Variants in PPP2R5A observed in about 807,000 individuals in gnomAD.
PPP2R5A encodes the protein protein phosphatase 2 regulatory subunit B'alpha.
A neutral mutation model predicts 64.2 loss-of-function variants in PPP2R5A; 25 were observed. The ratio of observed to expected loss-of-function variants is 0.39; its 90% CI spans 0.28 to 0.54. The LOEUF is 0.54. Among genes scored for constraint, PPP2R5A ranks in the 20% least tolerant of loss-of-function variants. PPP2R5A has a pLI of 0.67. For synonymous variants in PPP2R5A, 198 were observed against 201.2 expected (o/e 0.98, Z 0.13); for missense variants, 425 against 576.3 (o/e 0.74, Z 2.69).
chr1:212,327,539 C>A (rs569158911), intron 1 of PPP2R5A, among the ~76,000 whole-genome samples: 162 of 151,938 alleles, frequency 1.1e-3, no homozygotes, highest in Admixed American at 9.4e-3. Context: ...CTCAGCCTTC[C>A]CAGTAGCTGG....
chr1:212,325,708 T>C (rs1406432061), intron 1 of PPP2R5A, among the ~76,000 whole-genome samples: 1 of 152,086 alleles, frequency 6.6e-6, no homozygotes, highest in Non-Finnish European at 1.5e-5. Flanking sequence ...ATAGATATCT[T>C]TGAAAATAGA....
At chr1:212,287,165 G>T (rs1301946081) in intron 1 of PPP2R5A, among the ~76,000 whole-genome samples, 2 of 152,180 alleles carry the variant, frequency 1.3e-5, no homozygotes, top group Non-Finnish European at 2.9e-5. Context: ...ACTAGGTTTA[G>T]AGGATTTTCG....
chr1:212,297,096 C>CTTTTTTTTTTTTTTTTTTTTT (rs869112186), intron 1 of PPP2R5A, among the ~76,000 whole-genome samples: 8 of 82,642 alleles, frequency 9.7e-5, no homozygotes, highest in Non-Finnish European at 1.7e-4. Context: ...TTTGCTTCTT[C>CTTTTTTTTTTTTTTTTTTTTT]TTTTTTTTTT....
rs1442569149 is a variant in PPP2R5A, at chr1:212,308,852, C to T, written c.182-20283C>T. 7.3e-5 allele frequency among the ~76,000 whole-genome samples: 11 copies of T among 151,720 alleles called. No homozygotes were observed. The East Asian group carries it at 1.5e-3, about 21-fold the overall frequency. ...CCCAATTCTTTCTAATGCCAGTTCT[C>T]GTCTCCTCATGGGTCCCTTTAGTTT... On this transcript the variant is annotated intron_variant, in intron 1 of 12. Coordinates refer to ENST00000261461, the MANE Select transcript of PPP2R5A (RefSeq NM_006243.4).
At chr1:212,346,524 A>G (rs184214612) in intron 5 of PPP2R5A, among the ~76,000 whole-genome samples, 2 of 152,188 alleles carry the variant, frequency 1.3e-5, no homozygotes, top group African/African-American at 4.8e-5. Flanking sequence ...TACTTAATAC[A>G]GTGTGAATGC....
intron 1 of PPP2R5A, among the ~76,000 whole-genome samples, chr1:212,311,065 G>GAGC (rs1571583911): frequency 6.6e-6 from 1 of 152,232 alleles, no homozygotes; most frequent in East Asian, 1.9e-4. Flanking sequence ...TATTACAGTG[G>GAGC]AGCTGAAAAA....
intron 1 of PPP2R5A, chr1:212,299,669 C>T (rs958919842): frequency 1.3e-5 from 2 of 152,182 alleles, no homozygotes; most frequent in African/African-American, 4.8e-5. Flanking sequence ...GATGTCATCT[C>T]CTCAAATAGT....
chr1:212,342,251 C>T lies in PPP2R5A; in HGVS notation c.544C>T (p.Arg182Ter), dbSNP rs1659698002. 2.5e-6 allele frequency: 4 copies of T among 1,613,448 alleles called. No individual in the cohort carries two copies. Among genetic ancestry groups the T allele is most frequent in the Non-Finnish European group, 3.4e-6 (4 of 1,179,690 alleles). The change falls in exon 4 of 13, where the codon CGA (arginine) becomes TGA (stop). Residue 182 changes from arginine (R) to a stop codon, truncating the protein, a stop_gained. Coordinates refer to ENST00000261461, the MANE Select transcript of PPP2R5A (RefSeq NM_006243.4). LOFTEE classifies it high-confidence loss of function. ...SPDFQPSIAK[R>*]YIDQKFVQQL... ...TGATTTCCAGCCTAGCATTGCAAAA[C>T]GATACATTGATCAGAAATTCGTACA... is the stretch of plus-strand genomic sequence containing the variant.
chr1:212,287,235 T>C (rs1658520057), intron 1 of PPP2R5A, among the ~76,000 whole-genome samples: 1 of 152,232 alleles, frequency 6.6e-6, no homozygotes, highest in Non-Finnish European at 1.5e-5. Context: ...AATTTTATAA[T>C]TTTAATGTCC....
At chr1:212,344,402 C>CTA (rs1558152613) in intron 4 of PPP2R5A, among the ~76,000 whole-genome samples, 1 of 152,166 alleles carries the variant, frequency 6.6e-6, no homozygotes, top group Non-Finnish European at 1.5e-5. Flanking sequence ...AGAATGGAAA[C>CTA]TATAAGTATG....
intron 1 of PPP2R5A, among the ~76,000 whole-genome samples, chr1:212,300,268 A>G (rs1375838849): frequency 6.6e-6 from 1 of 152,142 alleles, no homozygotes; most frequent in Admixed American, 6.5e-5. Flanking sequence ...TATTTTTAAG[A>G]ACTAATTTTT....
intron 1 of PPP2R5A, among the ~76,000 whole-genome samples, chr1:212,293,308 C>T (rs1272288731): frequency 6.6e-6 from 1 of 152,198 alleles, no homozygotes; most frequent in Non-Finnish European, 1.5e-5. Flanking sequence ...GACTCCTAGA[C>T]ATGGACATGT....
At chr1:212,335,085 A>G (rs772679938) in intron 3 of PPP2R5A, among the ~76,000 whole-genome samples, 6 of 152,030 alleles carry the variant, frequency 3.9e-5, no homozygotes, top group East Asian at 1.9e-4. Flanking sequence ...CTTCATTTAT[A>G]TATGGATTCT....
chr1:212,290,776 GT>G lies in PPP2R5A; in HGVS notation c.181+4486del, dbSNP rs541560363. 1.3e-4 allele frequency among the ~76,000 whole-genome samples: 20 copies of G among 152,282 alleles called. No individual in the cohort carries two copies. The South Asian group carries it at 3.9e-3, about 30-fold the overall frequency. On this transcript the variant is annotated intron_variant, in intron 1 of 12. Coordinates refer to ENST00000261461, the MANE Select transcript of PPP2R5A (RefSeq NM_006243.4). The stretch of plus-strand genomic sequence containing the variant: ...TATTTGGTAAAATAATGCAACCATT[GT>G]AGTATGTTACTGTCATGTAAACAGT...
chr1:212,333,484 T>C lies in PPP2R5A; in HGVS notation c.379-13T>C. On this transcript the variant is annotated splice_polypyrimidine_tract_variant and intron_variant, in intron 2 of 12. Coordinates refer to ENST00000261461, the MANE Select transcript of PPP2R5A (RefSeq NM_006243.4). The stretch of plus-strand genomic sequence containing the variant: ...CATACAACAACGAACGTAAAATTAT[T>C]TTTTCTTTACAGATCAGTGCTAACA... The C allele has an allele frequency of 6.8e-7, 1 of 1,462,950 alleles. No homozygotes were observed. The highest frequency in any genetic ancestry group is 9.2e-7 in the Non-Finnish European group (1 of 1,083,854). The allele number at this position is 1,462,950 out of a possible 1,614,324, so 90.6% of individuals were successfully genotyped here.
At chr1:212,353,603 A>G (rs1396327898) in intron 8 of PPP2R5A, among the ~76,000 whole-genome samples, 1 of 152,174 alleles carries the variant, frequency 6.6e-6, no homozygotes, top group Non-Finnish European at 1.5e-5. Context: ...ATACTCATAT[A>G]TATCTTTTCT....
chr1:212,331,023 C>A (rs1659494186), intron 2 of PPP2R5A, among the ~76,000 whole-genome samples: 1 of 151,904 alleles, frequency 6.6e-6, no homozygotes, highest in Admixed American at 6.6e-5. Flanking sequence ...CAAAAATTAG[C>A]CAGGTGTGGT....
At chr1:212,339,783 C>T (rs1659655362) in intron 3 of PPP2R5A, among the ~76,000 whole-genome samples, 1 of 152,030 alleles carries the variant, frequency 6.6e-6, no homozygotes, top group Admixed American at 6.6e-5. Context: ...ACTCTGAAAA[C>T]TATTAAGCCT....
intron 1 of PPP2R5A, among the ~76,000 whole-genome samples, chr1:212,301,207 C>T (rs1026760696): frequency 6.6e-6 from 1 of 152,156 alleles, no homozygotes; most frequent in African/African-American, 2.4e-5. Context: ...GACGGGGTTT[C>T]GCCATGTGGG....
Sources: gnomAD v4.1 joint callset for allele counts (sites outside exome capture counted in the v4.1 genomes callset) on GRCh38, gnomAD v4.1.1 for gene constraint, MANE v1.5 for transcripts, NCBI Gene and HGNC (gene_info 2026-07-23, HGNC 2026-07-21) for gene names.